Variants in DCDC1 observed in about 807,000 individuals in gnomAD.
DCDC1 encodes doublecortin domain containing 1.
A neutral mutation model predicts 178.3 loss-of-function variants in DCDC1; 200 were observed. The observed-to-expected ratio is 1.12, with a 90% confidence interval of 1.00 to 1.26. DCDC1 has a LOEUF of 1.26. DCDC1 is among the 50% of genes most tolerant of loss of function. The probability of loss-of-function intolerance (pLI) is 0.00; values close to 1 mark genes in which losing one functional copy is unlikely to be tolerated. For missense variants in DCDC1, 1,983 were observed against 1,749.2 expected, an observed-to-expected ratio of 1.13 and a Z score of -2.38; for synonymous variants, 690 against 604.8, an observed-to-expected ratio of 1.14 and a Z score of -2.07.
chr11:31,355,871 C>T (rs925322031), intron 1 of DCDC1, among the ~76,000 whole-genome samples: 16 of 151,896 alleles, frequency 1.1e-4, no homozygotes, highest in Admixed American at 4.6e-4. Context: ...ACCTGGCTGA[C>T]GATCTTAACT....
At chr11:31,136,208 C>T (rs1330439082) in intron 10 of DCDC1, among the ~76,000 whole-genome samples, 1 of 151,984 alleles carries the variant, frequency 6.6e-6, no homozygotes, top group African/African-American at 2.4e-5. Flanking sequence ...TCTGGTAAAA[C>T]ATTTTTCAAA....
chr11:31,134,603 A>G (rs958889814), intron 10 of DCDC1, among the ~76,000 whole-genome samples: 15 of 152,334 alleles, frequency 9.8e-5, no homozygotes, highest in African/African-American at 3.6e-4. Flanking sequence ...TTCTAATAAC[A>G]TTCTACACAT....
intron 15 of DCDC1, among the ~76,000 whole-genome samples, chr11:31,100,647 T>C (rs940689023): frequency 2.0e-5 from 3 of 152,276 alleles, no homozygotes; most frequent in South Asian, 2.1e-4. Flanking sequence ...CATGTTCTGG[T>C]GCACAATTGA....
At chr11:31,082,035 G>C (rs1165937043) in intron 17 of DCDC1, among the ~76,000 whole-genome samples, 1 of 152,142 alleles carries the variant, frequency 6.6e-6, no homozygotes, top group African/African-American at 2.4e-5. Context: ...GACTGATTTA[G>C]AGAATGATAT....
chr11:31,237,844 A>G (rs2136856947), intron 9 of DCDC1, among the ~76,000 whole-genome samples: 1 of 152,232 alleles, frequency 6.6e-6, no homozygotes, highest in East Asian at 1.9e-4. Flanking sequence ...AACTAGGAGT[A>G]GAATTAAAAA....
intron 7 of DCDC1, among the ~76,000 whole-genome samples, chr11:31,287,910 T>G (rs1565554424): frequency 6.6e-6 from 1 of 151,408 alleles, no homozygotes; most frequent in Admixed American, 6.6e-5. Context: ...GACAGCGTTT[T>G]TTTTTTTTTT....
intron 1 of DCDC1, among the ~76,000 whole-genome samples, chr11:31,338,518 T>C (rs1950382322): frequency 6.6e-6 from 1 of 152,204 alleles, no homozygotes; most frequent in Non-Finnish European, 1.5e-5. Flanking sequence ...GGTTGGATTG[T>C]GGAGTAAACT....
chr11:30,874,870 G>T (rs1029472830), intron 38 of DCDC1, among the ~76,000 whole-genome samples: 20 of 152,184 alleles, frequency 1.3e-4, no homozygotes, highest in African/African-American at 4.8e-4. Flanking sequence ...ACTGAAGCTT[G>T]TATCTGCCTG....
At chr11:30,944,226 G>T in intron 21 of DCDC1, 1 of 441,682 alleles carries the variant, frequency 2.3e-6, no homozygotes, top group Non-Finnish European at 4.5e-6. Context: ...CATCAACTCT[G>T]TCTCCTTCCT....
intron 34 of DCDC1, among the ~76,000 whole-genome samples, chr11:30,896,945 T>C (rs942358701): frequency 2.6e-5 from 4 of 152,224 alleles, no homozygotes; most frequent in Non-Finnish European, 4.4e-5. Context: ...TACCAATGGC[T>C]ATAATATAGA....
At chr11:30,910,875 G>A (rs1224548211) in intron 28 of DCDC1, among the ~76,000 whole-genome samples, 14 of 152,132 alleles carry the variant, frequency 9.2e-5, no homozygotes, top group Admixed American at 9.2e-4. Flanking sequence ...TTAACATTGA[G>A]GATCTTGCAT....
At chr11:31,277,179 A>G (rs1946055930) in intron 7 of DCDC1, among the ~76,000 whole-genome samples, 1 of 152,050 alleles carries the variant, frequency 6.6e-6, no homozygotes, top group Admixed American at 6.6e-5. Context: ...GGTTTTTTTC[A>G]CTAGAGAATA....
chr11:31,098,019 G>T (rs527365918), intron 15 of DCDC1, among the ~76,000 whole-genome samples: 1 of 152,022 alleles, frequency 6.6e-6, no homozygotes, highest in Admixed American at 6.6e-5. Context: ...TTTTCTTGCC[G>T]TTTCCATCAT....
At chr11:31,193,322 A>G (rs1970335770) in intron 9 of DCDC1, among the ~76,000 whole-genome samples, 1 of 152,030 alleles carries the variant, frequency 6.6e-6, no homozygotes, top group Admixed American at 6.6e-5. Flanking sequence ...ACTAAACTAC[A>G]GGTTAAGTAT....
intron 11 of DCDC1, among the ~76,000 whole-genome samples, chr11:31,114,259 A>T (rs1436292481): frequency 6.6e-6 from 1 of 152,184 alleles, no homozygotes; most frequent in Non-Finnish European, 1.5e-5. Flanking sequence ...ATGAAAGAGA[A>T]GAAATTGAAG....
chr11:31,350,790 A>C (rs556295886), intron 1 of DCDC1, among the ~76,000 whole-genome samples: 70 of 152,138 alleles, frequency 4.6e-4, no homozygotes, highest in Non-Finnish European at 9.3e-4. Flanking sequence ...TCAAAAAATT[A>C]TATTTATGTA....
At chr11:31,224,467 C>T (rs1013467148) in intron 9 of DCDC1, among the ~76,000 whole-genome samples, 1 of 151,916 alleles carries the variant, frequency 6.6e-6, no homozygotes, top group African/African-American at 2.4e-5. Flanking sequence ...GAATTCATGA[C>T]TAAGAACCCA....
chr11:30,953,024 T>C (rs937149952), intron 20 of DCDC1, among the ~76,000 whole-genome samples: 7 of 151,868 alleles, frequency 4.6e-5, no homozygotes, highest in Non-Finnish European at 1.0e-4. Flanking sequence ...CTGAATGCTA[T>C]AAGTAATAAA....
At chr11:31,312,863 T>C (rs1948851918) in intron 3 of DCDC1, 1 of 152,012 alleles carries the variant, frequency 6.6e-6, no homozygotes, top group African/African-American at 2.4e-5. Context: ...AAACAAAATA[T>C]GCAGTATATA....
Sources: allele counts gnomAD v4.1 joint callset (sites outside exome capture counted in the v4.1 genomes callset), GRCh38; gene constraint gnomAD v4.1.1; transcripts MANE v1.5; gene names NCBI Gene and HGNC (gene_info 2026-07-23, HGNC 2026-07-21).